Variants in FSIP2 observed in about 807,000 individuals in gnomAD.
The protein encoded by FSIP2 is fibrous sheath-interacting protein 2.
Under a neutral mutation model 510.5 loss-of-function variants are expected in FSIP2, and 367 were observed. The observed-to-expected ratio is 0.72, with a 90% CI of 0.66 to 0.78. The LOEUF (loss-of-function observed/expected upper bound fraction) is 0.78, where lower values mean the gene tolerates loss of function less well. FSIP2 is among the 30% of genes least tolerant of loss of function. FSIP2 has a pLI of 0.00. For synonymous variants in FSIP2, 2,601 were observed against 2,732.2 expected (o/e 0.95, Z 1.50); for missense variants, 7,594 against 7,901.7 (o/e 0.96, Z 1.48).
intron 22 of FSIP2, 128 bp downstream of exon 22, chr2:185,832,010 G>T: frequency 3.1e-6 from 2 of 643,402 alleles, no homozygotes; most frequent in South Asian, 1.8e-5. Context: ...AAATAGGAGT[G>T]AAATAATATT....
chr2:185,799,169 G>C lies in FSIP2; in HGVS notation c.10391-528G>C, dbSNP rs565750461. Reference sequence around the variant, plus strand: ...CTTCTTTGTGACAAACTATAATCTAGGGACTAAAGTACTACTGCTATTGCA... The same window carrying C: ...CTTCTTTGTGACAAACTATAATCTACGGACTAAAGTACTACTGCTATTGCA... On this transcript the variant is annotated intron_variant, in intron 16 of 22. Coordinates refer to ENST00000424728, the MANE Select transcript of FSIP2 (RefSeq NM_173651.4). Among the ~76,000 whole-genome samples, 4 of 151,870 alleles carry C rather than the reference G, an allele frequency of 2.6e-5. No homozygotes were observed. The South Asian group carries it at 8.3e-4, about 31-fold the overall frequency.
intron 5 of FSIP2, 122 bp downstream of exon 5, chr2:185,745,690 G>A: frequency 1.2e-6 from 1 of 857,574 alleles, no homozygotes; most frequent in Non-Finnish European, 1.6e-6. Context: ...CCCTCAGAGT[G>A]TAGAGGAAGG....
chr2:185,760,624 A>G (rs1692331275), intron 9 of FSIP2, among the ~76,000 whole-genome samples: 1 of 150,494 alleles, frequency 6.6e-6, no homozygotes, highest in Admixed American at 6.7e-5. Context: ...CATACAATAG[A>G]ATTCTTCTCA....
Position 185,792,928 on chromosome 2 carries a change from T to C in FSIP2, c.5792T>C (p.Phe1931Ser). 1 of 1,534,184 alleles carries C rather than the reference T, an allele frequency of 6.5e-7. No individual in the cohort carries two copies. Among genetic ancestry groups the C allele is most frequent in the Non-Finnish European group, 8.7e-7 (1 of 1,145,600 alleles). The part of the protein sequence containing the change: ...VQAILTNLET[F>S]ATSKVKSLFY... ...GCAATATTAACAAATTTAGAAACTT[T>C]TGCTACTTCCAAAGTAAAATCTCTC... Residue 1931 changes from phenylalanine to serine, a missense_variant, in exon 16 of 23, where the codon TTT becomes TCT. Phe to Ser is a radical substitution (Grantham distance 155). Transcript: ENST00000424728.
At chr2:185,828,964 T>C (rs1196689212) in intron 21 of FSIP2, among the ~76,000 whole-genome samples, 1 of 151,904 alleles carries the variant, frequency 6.6e-6, no homozygotes, top group Non-Finnish European at 1.5e-5. Context: ...ACTTAAGATA[T>C]ATTTTTTAAA....
At chr2:185,809,468 G>A (rs1003281015) in intron 17 of FSIP2, among the ~76,000 whole-genome samples, 1 of 152,012 alleles carries the variant, frequency 6.6e-6, no homozygotes, top group African/African-American at 2.4e-5. Flanking sequence ...TTTAAAAGCA[G>A]CAAACTTGTA....
intron 21 of FSIP2, among the ~76,000 whole-genome samples, chr2:185,830,942 A>C (rs577443690): frequency 6.6e-6 from 1 of 152,032 alleles, no homozygotes; most frequent in African/African-American, 2.4e-5. Flanking sequence ...TGTACAGCTT[A>C]AGTTGAGAAT....
chr2:185,788,801 T>C lies in FSIP2; in HGVS notation c.1665T>C (p.Ser555=). ...ATGACTCCATCCTCTCTTCAGATAG[T>C]TCAAGTTTCTGTAGCACGTGCAGTG... ...VSDDSILSSD[S]SSFCSTCSED... Residue 555 remains serine, a synonymous_variant, in exon 16 of 23, where the codon AGT becomes AGC. Coordinates refer to ENST00000424728, the MANE Select transcript of FSIP2 (RefSeq NM_173651.4). 7 of 1,534,624 alleles carry C rather than the reference T, an allele frequency of 4.6e-6. No individual in the cohort carries two copies. Among genetic ancestry groups the C allele is most frequent in the Non-Finnish European group, 6.1e-6 (7 of 1,145,860 alleles).
intron 13 of FSIP2, among the ~76,000 whole-genome samples, chr2:185,778,841 A>G (rs888385868): frequency 6.6e-6 from 1 of 152,082 alleles, no homozygotes; most frequent in Non-Finnish European, 1.5e-5. Flanking sequence ...TGTTCTAAAA[A>G]TTATTGAAAA....
At chr2:185,824,135 G>A (rs1693972569) in intron 19 of FSIP2, among the ~76,000 whole-genome samples, 1 of 151,758 alleles carries the variant, frequency 6.6e-6, no homozygotes, top group Non-Finnish European at 1.5e-5. Flanking sequence ...TGGGAAAGAT[G>A]AAAAAAGTTC....
chr2:185,753,155 T>C (rs1692181418), intron 7 of FSIP2, among the ~76,000 whole-genome samples: 1 of 151,390 alleles, frequency 6.6e-6, no homozygotes, highest in African/African-American at 2.4e-5. Context: ...TTGCAGTGAC[T>C]GTTTTCTCCA....
At chr2:185,776,066 T>C (rs767551150) in intron 13 of FSIP2, among the ~76,000 whole-genome samples, 1 of 152,088 alleles carries the variant, frequency 6.6e-6, no homozygotes, top group Non-Finnish European at 1.5e-5. Flanking sequence ...GCTCAGCAGT[T>C]TGAAACCAGA....
In FSIP2 at chr2:185,760,572, A is replaced by G. The variant is rs1574160267; in HGVS notation, c.1079-416A>G. Among the ~76,000 whole-genome samples the G allele has an allele frequency of 2.0e-5, 3 of 150,052 alleles. No individual in the cohort carries two copies. The East Asian group carries it at 5.8e-4, about 29-fold the overall frequency. On this transcript the variant is annotated intron_variant, in intron 9 of 22. Coordinates refer to ENST00000424728, the MANE Select transcript of FSIP2 (RefSeq NM_173651.4). ...TTTATAAAAACTGGAAACAATCCAA[A>G]TGTCCATCAACAGGTAAGTGGATAA...
chr2:185,750,353 T>C (rs911492987), intron 7 of FSIP2, among the ~76,000 whole-genome samples: 1 of 151,692 alleles, frequency 6.6e-6, no homozygotes, highest in Non-Finnish European at 1.5e-5. Context: ...GTTTTGATAG[T>C]GTATTCTAGG....
chr2:185,782,720 C>T lies in FSIP2; in HGVS notation c.1427C>T (p.Ala476Val). ...TGATAAATAGGACCTCAGGCTCATGCTACAGACCCGGGTATATTTTCTTCT... is the reference window on the plus strand; with the variant it reads ...TGATAAATAGGACCTCAGGCTCATGTTACAGACCCGGGTATATTTTCTTCT... ...YLCESGPQAH[A>V]TDPGIFSSPV... Residue 476 changes from alanine (A) to valine (V), a missense_variant, in exon 14 of 23, where the codon GCT (alanine) becomes GTT (valine). Transcript: ENST00000424728. The T allele has an allele frequency of 6.6e-7, 1 of 1,517,326 alleles. No homozygotes were observed. Among genetic ancestry groups the T allele is most frequent in the Non-Finnish European group, 8.9e-7 (1 of 1,129,794 alleles). 94.0% of individuals were successfully genotyped at this position (1,517,326 alleles called of 1,614,324 possible).
chr2:185,802,999 A>C lies in FSIP2; in HGVS notation c.13693A>C (p.Ile4565Leu). 6.5e-7 allele frequency: 1 copy of C among 1,531,058 alleles called. No individual in the cohort carries two copies. The highest frequency in any genetic ancestry group is 1.2e-5 in the South Asian group (1 of 83,246). The allele number at this position is 1,531,058 out of a possible 1,614,324, so 94.8% of individuals were successfully genotyped here. A position where few individuals can be genotyped will look rare whatever the true frequency, so the allele number is the denominator to read the frequency against. Residue 4565 changes from isoleucine (I) to leucine (L), a missense_variant, in exon 17 of 23, where the codon ATC becomes CTC. Coordinates refer to ENST00000424728, the MANE Select transcript of FSIP2 (RefSeq NM_173651.4). ...SGSQESAVQN[I>L]TSSNDILIDR... is the part of the protein sequence containing the mutation. ...TTCTCAAGAATCAGCTGTGCAAAAT[A>C]TCACAAGCAGTAATGACATTCTTAT... is the stretch of plus-strand genomic sequence containing the variant.
At chr2:185,745,826 GAAACAATATATTC>G (rs1484920644) in intron 5 of FSIP2, among the ~76,000 whole-genome samples, 1 of 152,040 alleles carries the variant, frequency 6.6e-6, no homozygotes, top group Non-Finnish European at 1.5e-5. Context: ...TTAGAATATA[GAAACAATATATTC>G]AAACAATATA....
rs989201566 is a variant in FSIP2 at position 185,789,013 on chromosome 2, A to G, written c.1877A>G (p.His626Arg). Reference protein sequence around the residue: ...HIKGQSIISKHKYNKTNLLYS... With the variant: ...HIKGQSIISKRKYNKTNLLYS... ...AAAGGACAATCTATAATCTCTAAAC[A>G]TAAATATAATAAAACCAACTTGCTA... The change falls in exon 16 of 23, where the codon CAT becomes CGT. Residue 626 changes from histidine (H) to arginine (R), a missense_variant. Transcript: ENST00000424728. The G allele has an allele frequency of 5.4e-5, 83 of 1,533,938 alleles. No homozygotes were observed. The highest frequency in any genetic ancestry group is 6.9e-5 in the Non-Finnish European group (79 of 1,145,494).
chr2:185,798,652 T>C (rs1693354994), intron 16 of FSIP2, among the ~76,000 whole-genome samples: 1 of 151,812 alleles, frequency 6.6e-6, no homozygotes, highest in Non-Finnish European at 1.5e-5. Context: ...TTAAAACCAG[T>C]ATTCTCCCAA....
Sources: allele counts gnomAD v4.1 joint callset (sites outside exome capture counted in the v4.1 genomes callset), GRCh38; gene constraint gnomAD v4.1.1; transcripts MANE v1.5; gene names NCBI Gene and HGNC (gene_info 2026-07-23, HGNC 2026-07-21).